RABGAP1L: variants seen among roughly 807,000 people sequenced by gnomAD.
RABGAP1L encodes the protein rab GTPase-activating protein 1-like.
In RABGAP1L, 63 loss-of-function variants were observed where a neutral mutation model predicts 137.7. The observed-to-expected ratio is 0.46, with a 90% CI of 0.37 to 0.56. RABGAP1L has a LOEUF of 0.56. RABGAP1L is among the 20% of genes least tolerant of loss of function. The pLI, the probability that RABGAP1L is intolerant of heterozygous loss-of-function variation, is 0.00. For synonymous variants in RABGAP1L, 431 were observed against 433.7 expected (o/e 0.99, Z 0.08); for missense variants, 1,095 against 1,244.0 (o/e 0.88, Z 1.80).
Position 174,896,954 on chromosome 1 carries a change from TA to T in RABGAP1L, c.2341-60502del, listed in dbSNP as rs1001470415. On this transcript the variant is annotated intron_variant, in intron 19 of 25. Transcript: ENST00000681986. ...TTTTGGTTCTGTATGAACTTTAAAA[TA>T]GTTTTTTCCAATTCTGTGAAGAAAG... is the stretch of plus-strand genomic sequence containing the variant. The T allele has an allele frequency of 5.1e-4, 78 of 152,250 alleles. 2 individuals carry two copies. The highest frequency in any genetic ancestry group is 1.5e-5 in the Non-Finnish European group (1 of 68,044). The allele number at this position is 152,250 out of a possible 1,614,324, so 9.4% of individuals were successfully genotyped here.
chr1:174,284,734 C>CTTTTTT (rs59344382), intron 10 of RABGAP1L, among the ~76,000 whole-genome samples: 75 of 42,610 alleles, frequency 1.8e-3, no homozygotes, highest in Non-Finnish European at 2.4e-3. Context: ...TATTTCTTGT[C>CTTTTTT]TTTTTTTTTT....
At chr1:174,410,718 T>C (rs563422290) in intron 13 of RABGAP1L, among the ~76,000 whole-genome samples, 14 of 152,308 alleles carry the variant, frequency 9.2e-5, no homozygotes, top group African/African-American at 3.1e-4. Flanking sequence ...CTTTGGCTAT[T>C]TGGGCCATTT....
intron 13 of RABGAP1L, among the ~76,000 whole-genome samples, chr1:174,434,153 C>G (rs1007691373): frequency 9.4e-6 from 1 of 106,602 alleles, no homozygotes; most frequent in Non-Finnish European, 1.9e-5. Context: ...ACACACACAC[C>G]CTGCCTGGGG....
At position 174,165,532 on chromosome 1, in the gene RABGAP1L, T is replaced by C. The variant is rs537033592; in HGVS notation, c.-34+5875T>C. 2.6e-5 allele frequency among the ~76,000 whole-genome samples: 4 copies of C among 151,204 alleles called. 1 individual carries two copies. In the South Asian group the frequency reaches 8.4e-4, roughly 32 times the overall value. On this transcript the variant is annotated intron_variant, in intron 1 of 25. Coordinates refer to ENST00000681986, the MANE Select transcript of RABGAP1L (RefSeq NM_001366446.1). ...TTTTAATTTGGAGACAGCATCTCAC[T>C]CCCGTTACTCAAACTGAGTGCTGTG...
chr1:174,228,882 C>T (rs768699389), intron 3 of RABGAP1L, among the ~76,000 whole-genome samples: 2 of 152,054 alleles, frequency 1.3e-5, no homozygotes, highest in Admixed American at 6.6e-5. Context: ...TAGGTAACAG[C>T]GGGGAAGCCA....
At chr1:174,796,214 CCAGCTACT>C (rs1688231932) in intron 18 of RABGAP1L, among the ~76,000 whole-genome samples, 1 of 151,836 alleles carries the variant, frequency 6.6e-6, no homozygotes, top group African/African-American at 2.4e-5. Context: ...GCTTATAATC[CCAGCTACT>C]CAGTAGGCTG....
At chr1:174,523,417 A>T (rs2147855607) in intron 13 of RABGAP1L, among the ~76,000 whole-genome samples, 1 of 152,340 alleles carries the variant, frequency 6.6e-6, no homozygotes, top group Non-Finnish European at 1.5e-5. Context: ...GGAAAAAAAC[A>T]AACATAAAAA....
chr1:174,164,283 A>C (rs922585501), intron 1 of RABGAP1L, among the ~76,000 whole-genome samples: 2 of 152,098 alleles, frequency 1.3e-5, no homozygotes, highest in East Asian at 3.8e-4. Flanking sequence ...CCCATTTTTG[A>C]AGAAAAATAT....
chr1:174,955,939 A>G (rs1668453909), intron 19 of RABGAP1L, among the ~76,000 whole-genome samples: 1 of 152,152 alleles, frequency 6.6e-6, no homozygotes, highest in African/African-American at 2.4e-5. Flanking sequence ...ATAAAATAAT[A>G]TAAGTAAGGG....
chr1:174,210,563 A>G (rs1284241103), intron 1 of RABGAP1L, among the ~76,000 whole-genome samples: 5 of 152,208 alleles, frequency 3.3e-5, no homozygotes, highest in Non-Finnish European at 7.3e-5. Flanking sequence ...AAAACAAAAC[A>G]GAACAAAAAC....
At chr1:174,674,957 T>C (rs2148457398) in intron 14 of RABGAP1L, among the ~76,000 whole-genome samples, 1 of 152,334 alleles carries the variant, frequency 6.6e-6, no homozygotes, top group Admixed American at 6.5e-5. Flanking sequence ...CTTGTAAATT[T>C]GTTTGAGTTC....
intron 13 of RABGAP1L, among the ~76,000 whole-genome samples, chr1:174,412,574 GTGTGTTTT>G (rs1158614526): frequency 6.6e-6 from 1 of 152,116 alleles, no homozygotes; most frequent in Non-Finnish European, 1.5e-5. Context: ...ATGTACTTAA[GTGTGTTTT>G]TGGGTAGAGG....
chr1:174,757,211 T>C lies in RABGAP1L; in HGVS notation c.2211+4857T>C, dbSNP rs1031963123. ...CCTATACCTCAAGCCACTAGAACTT[T>C]CCCCTGTACCACAATTTATTTAACC... is the stretch of plus-strand genomic sequence containing the variant. On this transcript the variant is annotated intron_variant, in intron 18 of 25. Coordinates refer to ENST00000681986, the MANE Select transcript of RABGAP1L (RefSeq NM_001366446.1). 3.0e-5 allele frequency: 7 copies of C among 234,938 alleles called. No homozygotes were observed. The Admixed American group carries it at 3.2e-4, about 11-fold the overall frequency. 14.6% of individuals were successfully genotyped at this position (234,938 alleles called of 1,614,324 possible). A position where few individuals can be genotyped will look rare whatever the true frequency, so the allele number is the denominator to read the frequency against.
intron 3 of RABGAP1L, among the ~76,000 whole-genome samples, chr1:174,221,445 T>G (rs1355025996): frequency 1.3e-5 from 2 of 152,206 alleles, no homozygotes; most frequent in Admixed American, 1.3e-4. Flanking sequence ...GAGTAAATAC[T>G]TGGGTGTCAC....
At chr1:174,735,904 T>G (rs1224172277) in intron 17 of RABGAP1L, among the ~76,000 whole-genome samples, 2 of 152,190 alleles carry the variant, frequency 1.3e-5, no homozygotes, top group African/African-American at 4.8e-5. Flanking sequence ...AGCCCATTCA[T>G]GAGGGATACA....
chr1:174,977,204 TAAA>T (rs1049280654), intron 22 of RABGAP1L, among the ~76,000 whole-genome samples: 2 of 152,238 alleles, frequency 1.3e-5, no homozygotes. Flanking sequence ...CCAGACTTTA[TAAA>T]AAGTGTTCCA....
chr1:174,966,992 A>G (rs1353024803), intron 20 of RABGAP1L, among the ~76,000 whole-genome samples: 1 of 152,110 alleles, frequency 6.6e-6, no homozygotes, highest in Admixed American at 6.6e-5. Flanking sequence ...CATTGTAGAA[A>G]ACTTGAAAAC....
intron 19 of RABGAP1L, among the ~76,000 whole-genome samples, chr1:174,820,471 A>C (rs1690900045): frequency 1.3e-5 from 2 of 152,158 alleles, no homozygotes; most frequent in Non-Finnish European, 2.9e-5. Flanking sequence ...CTGGTACACC[A>C]CAGGGTTGAG....
chr1:174,232,343 C>T (rs971009748), intron 4 of RABGAP1L, among the ~76,000 whole-genome samples: 2 of 151,392 alleles, frequency 1.3e-5, no homozygotes, highest in African/African-American at 2.4e-5. Context: ...AAATTTGCCA[C>T]GTGTGGTGGC....
Sources: gnomAD v4.1 joint callset for allele counts (sites outside exome capture counted in the v4.1 genomes callset) on GRCh38, gnomAD v4.1.1 for gene constraint, MANE v1.5 for transcripts, NCBI Gene and HGNC (gene_info 2026-07-23, HGNC 2026-07-21) for gene names.